The following SLC9A9 variants were observed in gnomAD, a reference collection of about 807,000 sequenced individuals.
SLC9A9 encodes the protein solute carrier family 9 member A9.
SLC9A9 carries 62 observed loss-of-function variants against 77.8 expected under a neutral mutation model. The observed-to-expected ratio is 0.80, with a 90% confidence interval of 0.65 to 0.98. The LOEUF (loss-of-function observed/expected upper bound fraction) is 0.98. SLC9A9 is among the 50% of genes least tolerant of loss of function. SLC9A9 has a pLI of 0.00. For missense variants in SLC9A9, 775 were observed against 774.9 expected, an observed-to-expected ratio of 1.00 and a Z score of 0.00; for synonymous variants, 320 against 283.5, an observed-to-expected ratio of 1.13 and a Z score of -1.29.
chr3:143,766,580 T>TC (rs148492587), intron 4 of SLC9A9, among the ~76,000 whole-genome samples: 2,948 of 152,192 alleles, frequency 0.019, 99 homozygotes, highest in African/African-American at 0.067. Context: ...AAAGTTTTTT[T>TC]TGTTTTTGAG....
At chr3:143,565,151 T>C (rs923882974) in intron 8 of SLC9A9, among the ~76,000 whole-genome samples, 8 of 152,220 alleles carry the variant, frequency 5.3e-5, no homozygotes, top group African/African-American at 1.9e-4. Flanking sequence ...TACCCTTGTG[T>C]GGAATTCTGA....
At chr3:143,709,128 G>T (rs887992041) in intron 4 of SLC9A9, among the ~76,000 whole-genome samples, 1 of 152,118 alleles carries the variant, frequency 6.6e-6, no homozygotes, top group Non-Finnish European at 1.5e-5. Flanking sequence ...CAAAAGTTGG[G>T]TAATTTATTG....
intron 11 of SLC9A9, among the ~76,000 whole-genome samples, chr3:143,477,791 G>T (rs906109671): frequency 6.6e-5 from 10 of 152,142 alleles, no homozygotes; most frequent in Admixed American, 3.9e-4. Context: ...GCAGGTGCTG[G>T]GAGAGCACCT....
chr3:143,726,396 T>C (rs1459882070), intron 4 of SLC9A9, among the ~76,000 whole-genome samples: 1 of 152,156 alleles, frequency 6.6e-6, no homozygotes, highest in Non-Finnish European at 1.5e-5. Flanking sequence ...AAATGAGATA[T>C]AAGTTTGTTG....
intron 12 of SLC9A9, among the ~76,000 whole-genome samples, chr3:143,437,823 A>G (rs138002624): frequency 1.4e-4 from 21 of 152,338 alleles, no homozygotes; most frequent in African/African-American, 5.1e-4. Flanking sequence ...AAATGATTTC[A>G]ATCAAGAGCA....
chr3:143,703,692 G>A (rs374913414), intron 4 of SLC9A9, among the ~76,000 whole-genome samples: 1 of 152,036 alleles, frequency 6.6e-6, no homozygotes, highest in East Asian at 1.9e-4. Context: ...CCCAAAGTTA[G>A]TGGAATAAAT....
intron 14 of SLC9A9, among the ~76,000 whole-genome samples, chr3:143,329,311 A>G (rs1195810520): frequency 1.3e-5 from 2 of 152,188 alleles, no homozygotes; most frequent in African/African-American, 4.8e-5. Context: ...AAGAAAACAG[A>G]TAAGAGTCTG....
At chr3:143,726,135 A>C (rs1934645267) in intron 4 of SLC9A9, among the ~76,000 whole-genome samples, 1 of 151,532 alleles carries the variant, frequency 6.6e-6, no homozygotes, top group South Asian at 2.1e-4. Flanking sequence ...AAAAATACTT[A>C]GGTGATAGGT....
intron 6 of SLC9A9, among the ~76,000 whole-genome samples, chr3:143,635,559 TTA>T (rs2038506800): frequency 6.6e-6 from 1 of 152,198 alleles, no homozygotes; most frequent in African/African-American, 2.4e-5. Context: ...TGCGGATGAA[TTA>T]TGTTTTAATT....
intron 8 of SLC9A9, among the ~76,000 whole-genome samples, chr3:143,559,069 C>T (rs1279857871): frequency 6.6e-6 from 1 of 152,150 alleles, no homozygotes; most frequent in Non-Finnish European, 1.5e-5. Context: ...TTCTTGCACT[C>T]TTTCTCTCTC....
chr3:143,277,765 TAGCTTGTGGTGAC>T (rs1225218705), intron 14 of SLC9A9, among the ~76,000 whole-genome samples: 2 of 152,326 alleles, frequency 1.3e-5, no homozygotes, highest in African/African-American at 4.8e-5. Flanking sequence ...TGCCCTCTGT[TAGCTTGTGGTGAC>T]TTTGACAACA....
intron 9 of SLC9A9, among the ~76,000 whole-genome samples, chr3:143,499,833 A>C (rs2035898444): frequency 6.6e-6 from 1 of 152,202 alleles, no homozygotes; most frequent in Non-Finnish European, 1.5e-5. Flanking sequence ...TAAGATGATC[A>C]TATGGTATTT....
At chr3:143,574,295 A>G (rs964640910) in intron 7 of SLC9A9, 102 bp from the exon 8 acceptor site, 25 of 963,970 alleles carry the variant, frequency 2.6e-5, no homozygotes, top group Admixed American at 4.0e-5. Flanking sequence ...TCTAGAGCAA[A>G]GTAAAAGAAC....
chr3:143,369,969 A>C (rs1008580304), intron 13 of SLC9A9, among the ~76,000 whole-genome samples: 1 of 152,230 alleles, frequency 6.6e-6, no homozygotes, highest in Admixed American at 6.5e-5. Flanking sequence ...CCAACATGGA[A>C]GCGAATCCTC....
intron 8 of SLC9A9, among the ~76,000 whole-genome samples, chr3:143,562,971 T>G (rs1286615439): frequency 6.6e-6 from 1 of 152,136 alleles, no homozygotes; most frequent in Admixed American, 6.6e-5. Flanking sequence ...GACTCATGTT[T>G]GTGCACAACA....
At chr3:143,473,672 A>G (rs1050190080) in intron 11 of SLC9A9, among the ~76,000 whole-genome samples, 2 of 152,232 alleles carry the variant, frequency 1.3e-5, no homozygotes, top group Admixed American at 1.3e-4. Flanking sequence ...GTATTATTAA[A>G]TCATAGTCTG....
intron 6 of SLC9A9, among the ~76,000 whole-genome samples, chr3:143,588,026 T>C (rs528741711): frequency 5.3e-5 from 8 of 152,312 alleles, no homozygotes; most frequent in African/African-American, 1.9e-4. Flanking sequence ...AAGTAACGTA[T>C]CATAGGAAGA....
intron 5 of SLC9A9, among the ~76,000 whole-genome samples, chr3:143,674,115 C>G (rs966924396): frequency 6.6e-6 from 1 of 152,284 alleles, no homozygotes; most frequent in Admixed American, 6.5e-5. Flanking sequence ...ATTTTCCATA[C>G]AGCTCTTCAT....
rs560812603 is a variant in SLC9A9, at chr3:143,546,152, C to T, written c.1089+6210G>A. 7.2e-5 allele frequency among the ~76,000 whole-genome samples: 11 copies of T among 152,350 alleles called. No homozygotes were observed. The East Asian group carries it at 1.3e-3, about 19-fold the overall frequency. Reference sequence around the variant, plus strand: ...CCTTTCCACTATATCTTGCTGCTCCCATATTCCAGATCCTTTATTTGAATT... The same window carrying T: ...CCTTTCCACTATATCTTGCTGCTCCTATATTCCAGATCCTTTATTTGAATT... On this transcript the variant is annotated intron_variant, in intron 9 of 15. Coordinates refer to ENST00000316549, the MANE Select transcript of SLC9A9 (RefSeq NM_173653.4).
Sources: allele counts gnomAD v4.1 joint callset (sites outside exome capture counted in the v4.1 genomes callset), GRCh38; gene constraint gnomAD v4.1.1; transcripts MANE v1.5; gene names NCBI Gene and HGNC (gene_info 2026-07-23, HGNC 2026-07-21).